The following FAXC variants were observed in gnomAD, a reference collection of about 807,000 sequenced individuals.
The protein encoded by FAXC is failed axon connections homolog.
Under a neutral mutation model 41.9 loss-of-function variants are expected in FAXC, and 10 were observed. The ratio of observed to expected loss-of-function variants is 0.24; its 90% CI spans 0.15 to 0.41. The LOEUF (loss-of-function observed/expected upper bound fraction) is 0.41, where lower values mean the gene tolerates loss of function less well. Ranked by LOEUF, FAXC falls within the 10% of genes least tolerant of loss-of-function variation. The pLI is 1.00. For synonymous variants in FAXC, 183 were observed against 183.8 expected (o/e 1.00, Z 0.03); for missense variants, 399 against 510.9 (o/e 0.78, Z 2.11).
chr6:99,319,850 A>G (rs868647630), intron 4 of FAXC, among the ~76,000 whole-genome samples: 34 of 152,236 alleles, frequency 2.2e-4, no homozygotes, highest in African/African-American at 7.5e-4. Flanking sequence ...AAACTTGTTT[A>G]CATGTTAGCT....
chr6:99,276,140 C>A lies in FAXC; in HGVS notation c.*5024G>T, dbSNP rs1770603084. Reference sequence around the variant, plus strand: ...TAGTCAGGAACAATAAAATAACATACTCTGTTTAAAAAAAAAAAAAACCCT... The same window carrying A: ...TAGTCAGGAACAATAAAATAACATAATCTGTTTAAAAAAAAAAAAAACCCT... On this transcript the variant is annotated 3_prime_UTR_variant, in exon 6 of 6. Transcript: ENST00000389677. 7.1e-6 allele frequency: 1 copy of A among 140,104 alleles called. No homozygotes were observed. Among genetic ancestry groups the A allele is most frequent in the African/African-American group, 2.8e-5 (1 of 36,222 alleles). 8.7% of individuals were successfully genotyped at this position (140,104 alleles called of 1,614,324 possible). A position where few individuals can be genotyped will look rare whatever the true frequency, so the allele number is the denominator to read the frequency against.
At chr6:99,347,493 A>G (rs1773645607) in intron 1 of FAXC, among the ~76,000 whole-genome samples, 1 of 152,114 alleles carries the variant, frequency 6.6e-6, no homozygotes, top group African/African-American at 2.4e-5. Flanking sequence ...TGAGGTATAT[A>G]GTCCCCTAAA....
chr6:99,284,574 T>C (rs1350642438), intron 5 of FAXC, among the ~76,000 whole-genome samples: 1 of 123,340 alleles, frequency 8.1e-6, no homozygotes, highest in Non-Finnish European at 1.7e-5. Context: ...TGTGTGTGTG[T>C]GTGTGTGTGT....
intron 3 of FAXC, among the ~76,000 whole-genome samples, chr6:99,330,975 C>A (rs978814820): frequency 2.0e-5 from 3 of 152,180 alleles, no homozygotes; most frequent in Non-Finnish European, 4.4e-5. Flanking sequence ...GGATTTAGAG[C>A]TCTCCTAAAA....
At chr6:99,292,066 A>G (rs221584) in intron 4 of FAXC, among the ~76,000 whole-genome samples, 133,218 of 152,138 alleles carry the variant, frequency 0.88, 58,793 homozygotes, top group East Asian at 1. Flanking sequence ...GCAGATGAGG[A>G]AGGGCATTCA....
intron 5 of FAXC, among the ~76,000 whole-genome samples, chr6:99,287,428 AT>A: frequency 6.6e-6 from 1 of 152,282 alleles, no homozygotes; most frequent in Non-Finnish European, 1.5e-5. Flanking sequence ...GCAAATTATT[AT>A]TCATATTTAT....
chr6:99,348,081 T>G (rs1373942343), intron 1 of FAXC, among the ~76,000 whole-genome samples: 2 of 152,210 alleles, frequency 1.3e-5, no homozygotes, highest in Admixed American at 6.5e-5. Context: ...CTGGGATCCC[T>G]GCAGGCTAGT....
At chr6:99,310,126 A>T (rs772082002) in intron 4 of FAXC, among the ~76,000 whole-genome samples, 8 of 152,090 alleles carry the variant, frequency 5.3e-5, no homozygotes, top group Non-Finnish European at 1.0e-4. Context: ...CACACCAAAA[A>T]AGTCTACTGT....
intron 4 of FAXC, among the ~76,000 whole-genome samples, chr6:99,311,759 C>T (rs757076622): frequency 3.3e-5 from 5 of 152,126 alleles, no homozygotes; most frequent in Non-Finnish European, 5.9e-5. Flanking sequence ...CAAGTCCTCC[C>T]AATTGTGGAC....
At chr6:99,340,323 A>G (rs574350613) in intron 2 of FAXC, among the ~76,000 whole-genome samples, 1 of 151,094 alleles carries the variant, frequency 6.6e-6, no homozygotes, top group East Asian at 2.0e-4. Flanking sequence ...CTGGTCTTGA[A>G]CTCCTGACCT....
rs952138930 is a variant in FAXC, at chr6:99,271,332, C to A, written c.*9832G>T. 3.3e-5 allele frequency: 5 copies of A among 152,274 alleles called. No individual in the cohort carries two copies. The East Asian group carries it at 5.8e-4, about 18-fold the overall frequency. 9.4% of individuals were successfully genotyped at this position (152,274 alleles called of 1,614,324 possible). A position where few individuals can be genotyped will look rare whatever the true frequency, so the allele number is the denominator to read the frequency against. ...CACAAGTTCTAGAAGGGTGTGGAAC[C>A]AACTGACGTTGAAGTAGATGTAGAT... is the stretch of plus-strand genomic sequence containing the variant. On this transcript the variant is annotated 3_prime_UTR_variant, in exon 6 of 6. Coordinates refer to ENST00000389677, the MANE Select transcript of FAXC (RefSeq NM_032511.4).
Position 99,279,861 on chromosome 6 carries a change from T to C in FAXC, c.*1303A>G, listed in dbSNP as rs538007942. On this transcript the variant is annotated 3_prime_UTR_variant, in exon 6 of 6. Transcript: ENST00000389677. ...GCAGTGGCTGAAAACACCAGAAAAG[T>C]TGCATTAATAAAACTGCATATAGTC... 1 of 152,360 alleles carries C rather than the reference T, an allele frequency of 6.6e-6. No homozygotes were observed. Among genetic ancestry groups the C allele is most frequent in the East Asian group, 1.9e-4 (1 of 5,188 alleles). 9.4% of individuals were successfully genotyped at this position (152,360 alleles called of 1,614,324 possible). A position where few individuals can be genotyped will look rare whatever the true frequency, so the allele number is the denominator to read the frequency against.
At chr6:99,322,404 T>C (rs1772627334) in intron 4 of FAXC, among the ~76,000 whole-genome samples, 1 of 152,170 alleles carries the variant, frequency 6.6e-6, no homozygotes, top group South Asian at 2.1e-4. Flanking sequence ...CCAGCATGGC[T>C]TCCAGTTCCT....
At chr6:99,337,003 G>T (rs1260856844) in intron 2 of FAXC, among the ~76,000 whole-genome samples, 1 of 152,160 alleles carries the variant, frequency 6.6e-6, no homozygotes, top group Non-Finnish European at 1.5e-5. Context: ...ATGACACACT[G>T]AAAAAATCCA....
intron 4 of FAXC, among the ~76,000 whole-genome samples, chr6:99,297,364 T>C (rs1036137808): frequency 6.6e-6 from 1 of 152,082 alleles, no homozygotes; most frequent in Admixed American, 6.6e-5. Flanking sequence ...CACACAGTTG[T>C]CCAGGGAGAA....
intron 4 of FAXC, among the ~76,000 whole-genome samples, chr6:99,297,406 C>T (rs1771539293): frequency 6.6e-6 from 1 of 152,092 alleles, no homozygotes; most frequent in Non-Finnish European, 1.5e-5. Flanking sequence ...GAAGAATGGC[C>T]AGAATCCAGG....
intron 5 of FAXC, among the ~76,000 whole-genome samples, chr6:99,281,808 T>C (rs896177771): frequency 6.6e-6 from 1 of 152,252 alleles, no homozygotes; most frequent in Non-Finnish European, 1.5e-5. Context: ...ATCCTGCATT[T>C]CCCAGACTTT....
chr6:99,299,874 A>G (rs1771637340), intron 4 of FAXC, among the ~76,000 whole-genome samples: 1 of 152,176 alleles, frequency 6.6e-6, no homozygotes, highest in African/African-American at 2.4e-5. Context: ...AAATCACTAT[A>G]TAGATTGTGA....
Position 99,275,031 on chromosome 6 carries a change from C to A in FAXC, c.*6133G>T, listed in dbSNP as rs1292469060. ...TAACATGGCAATTCAGAAGTTGGAT[C>A]TTATTTTTTTAGAAGCCATGGGGTA... On this transcript the variant is annotated 3_prime_UTR_variant, in exon 6 of 6. Coordinates refer to ENST00000389677, the MANE Select transcript of FAXC (RefSeq NM_032511.4). 6.6e-6 allele frequency: 1 copy of A among 151,986 alleles called. No homozygotes were observed. The highest frequency in any genetic ancestry group is 2.4e-5 in the African/African-American group (1 of 41,368). 9.4% of individuals were successfully genotyped at this position (151,986 alleles called of 1,614,324 possible).
Sources: gnomAD v4.1 joint callset for allele counts (sites outside exome capture counted in the v4.1 genomes callset) on GRCh38, gnomAD v4.1.1 for gene constraint, MANE v1.5 for transcripts, NCBI Gene and HGNC (gene_info 2026-07-23, HGNC 2026-07-21) for gene names.